The following COMMD5 variants were observed in gnomAD, a reference collection of about 807,000 sequenced individuals.
COMMD5 encodes the protein COMM domain containing 5, also known as COMM domain-containing protein 5.
In COMMD5, 10 loss-of-function variants were observed where a neutral mutation model predicts 6.9. The observed-to-expected ratio is 1.44, with a 90% CI of 0.89 to 2.45. The LOEUF (loss-of-function observed/expected upper bound fraction) is 2.45, where lower values mean the gene tolerates loss of function less well. Ranked by LOEUF, COMMD5 falls within the 30% of genes most tolerant of loss-of-function variation. COMMD5 has a pLI of 0.00. For missense variants in COMMD5, 234 were observed against 287.8 expected (o/e 0.81, Z 1.35); for synonymous variants, 127 against 125.3 (o/e 1.01, Z -0.09).
downstream of COMMD5, among the ~76,000 whole-genome samples, chr8:144,840,615 G>A (rs1829765776): frequency 6.6e-6 from 1 of 152,208 alleles, no homozygotes; most frequent in African/African-American, 2.4e-5. Flanking sequence ...TAGGACAGAA[G>A]CCTGTGCTTA....
At chr8:144,844,737 C>T (rs948110862) in intron 1 of COMMD5, among the ~76,000 whole-genome samples, 3 of 93,658 alleles carry the variant, frequency 3.2e-5, no homozygotes, top group African/African-American at 1.3e-4. Flanking sequence ...AAAAAAAAAA[C>T]GAAAATGGGA....
downstream of COMMD5, among the ~76,000 whole-genome samples, chr8:144,839,028 T>C (rs574358094): frequency 2.2e-4 from 32 of 144,014 alleles, no homozygotes; most frequent in African/African-American, 8.4e-4. Context: ...TCCATTCATA[T>C]GCGCCTAGGG....
chr8:144,838,008 C>T (rs1451255534), downstream of COMMD5: 2 of 698,212 alleles, frequency 2.9e-6, no homozygotes, highest in Non-Finnish European at 5.2e-6. Flanking sequence ...TGTCTCACAG[C>T]TGTGGAGGCC....
chr8:144,849,260 C>T (rs2722480), downstream of COMMD5, among the ~76,000 whole-genome samples: 4,120 of 152,172 alleles, frequency 0.027, 239 homozygotes, highest in East Asian at 0.23. Flanking sequence ...ACAGTGCCTT[C>T]GGGGAGAGAG....
chr8:144,838,936 C>T (rs1308953948), downstream of COMMD5: 3 of 113,886 alleles, frequency 2.6e-5, no homozygotes, highest in Non-Finnish European at 3.4e-5. Flanking sequence ...AGCGAGATGA[C>T]GTCTCAAAAA....
At chr8:144,841,063 T>G (rs541448037) in exon 2 of COMMD5, 3 of 371,442 alleles carry the variant, frequency 8.1e-6, no homozygotes, top group African/African-American at 6.2e-5. Context: ...TGCCTCTGCA[T>G]GGACTGTGCC....
At chr8:144,842,187 G>A (rs1191011290) in intron 1 of COMMD5, 1 of 1,613,908 alleles carries the variant, frequency 6.2e-7, no homozygotes, top group East Asian at 2.2e-5. Context: ...CTGGGGAGAG[G>A]CCCTACCCTT....
exon 2 of COMMD5, chr8:144,841,528 C>T: frequency 6.2e-7 from 1 of 1,614,168 alleles, no homozygotes. Context: ...CAGTCCCGGG[C>T]TGAAAGTGAC....
intron 1 of COMMD5, chr8:144,852,270 A>C (rs920497681): frequency 2.0e-5 from 3 of 152,290 alleles, no homozygotes; most frequent in African/African-American, 7.2e-5. Context: ...AGACCTGTCT[A>C]TTCAGAAGTC....
chr8:144,842,801 A>G, intron 1 of COMMD5: 1 of 1,614,086 alleles, frequency 6.2e-7, no homozygotes, highest in Non-Finnish European at 8.5e-7. Context: ...TTCAGTCAAA[A>G]CTCAACCCTT....
chr8:144,850,799 C>G lies in COMMD5; in HGVS notation c.540G>C (p.Leu180=). ...RSLQPSVLMQ[L]KLSDGSAYRF... is the part of the protein sequence containing the mutation. ...GGTATGCTGACCCATCTGAAAGCTT[C>G]AGCTGCATCAGGACGCTCGGCTGCA... is the stretch of plus-strand genomic sequence containing the variant. Residue 180 remains leucine (L), a synonymous_variant, in exon 2 of 2, where the codon CTG becomes CTC. Transcript: ENST00000305103. The surrounding 1 kb of genome is among the most constrained non-coding windows in gnomAD (Gnocchi z 4.0). The G allele has an allele frequency of 6.2e-7, 1 of 1,614,066 alleles. No homozygotes were observed. Among genetic ancestry groups the G allele is most frequent in the Non-Finnish European group, 8.5e-7 (1 of 1,180,042 alleles).
chr8:144,844,384 C>T (rs543327548), intron 1 of COMMD5, among the ~76,000 whole-genome samples: 13 of 151,974 alleles, frequency 8.6e-5, no homozygotes, highest in Non-Finnish European at 1.8e-4. Context: ...TAGGGGGGAA[C>T]GCGGTGAGGA....
chr8:144,851,502 C>A, intron 1 of COMMD5, 107 bp from the exon 2 acceptor site: 1 of 770,426 alleles, frequency 1.3e-6, no homozygotes, highest in Admixed American at 2.9e-5. Flanking sequence ...TGTGAACTAC[C>A]AATGACAGTC....
At chr8:144,842,681 A>G (rs1356047516) in intron 1 of COMMD5, 24 of 1,614,090 alleles carry the variant, frequency 1.5e-5, no homozygotes, top group Non-Finnish European at 1.9e-5. Context: ...GAGAAGCCCT[A>G]CGAATGCCTC....
chr8:144,852,756 C>G (rs1830804765), intron 1 of COMMD5, 83 bp downstream of exon 1: 1 of 152,210 alleles, frequency 6.6e-6, no homozygotes, highest in Admixed American at 6.5e-5. Flanking sequence ...CGGCGTCGCC[C>G]GTTCCGGGGC....
chr8:144,843,088 C>G, intron 1 of COMMD5: 5 of 1,612,960 alleles, frequency 3.1e-6, no homozygotes, highest in Admixed American at 3.3e-5. Flanking sequence ...CGGGGAGAAG[C>G]CTTATAAATG....
At chr8:144,844,579 G>A (rs563935750) in intron 1 of COMMD5, among the ~76,000 whole-genome samples, 33 of 151,956 alleles carry the variant, frequency 2.2e-4, no homozygotes, top group East Asian at 1.2e-3. Flanking sequence ...GCGTGGTGGC[G>A]GGCACCTGTA....
chr8:144,844,210 T>A (rs1228445316), intron 1 of COMMD5, among the ~76,000 whole-genome samples: 2 of 152,016 alleles, frequency 1.3e-5, no homozygotes, highest in Admixed American at 6.6e-5. Context: ...GAGGAAACAA[T>A]GTAGAGAAAC....
exon 2 of COMMD5, chr8:144,841,585 C>G (rs1829916579): frequency 6.2e-7 from 1 of 1,614,036 alleles, no homozygotes; most frequent in African/African-American, 1.3e-5. Flanking sequence ...GACTGTGGTT[C>G]CCAAGACCTT....
Sources: gnomAD v4.1 joint callset for allele counts (sites outside exome capture counted in the v4.1 genomes callset) on GRCh38, gnomAD v4.1.1 for gene constraint, Gnocchi (gnomAD v3.1) non-coding constraint, MANE v1.5 for transcripts, NCBI Gene and HGNC (gene_info 2026-07-23, HGNC 2026-07-21) for gene names.